Variants in COL21A1 observed in about 807,000 individuals in gnomAD.
COL21A1 encodes the protein collagen type XXI alpha 1 chain.
Under a neutral mutation model 137.9 loss-of-function variants are expected in COL21A1, and 149 were observed. That is an observed-to-expected ratio of 1.08 (90% CI 0.95 to 1.24). The LOEUF (loss-of-function observed/expected upper bound fraction) is 1.24. Among genes scored for constraint, COL21A1 ranks in the 50% most tolerant of loss-of-function variants. The pLI is 0.00. For synonymous variants in COL21A1, 456 were observed against 391.5 expected (o/e 1.16, Z -1.95); for missense variants, 1,167 against 1,158.4 (o/e 1.01, Z -0.11).
At chr6:56,348,019 C>T (rs910637961) in intron 1 of COL21A1, among the ~76,000 whole-genome samples, 8 of 152,056 alleles carry the variant, frequency 5.3e-5, no homozygotes, top group African/African-American at 1.4e-4. Flanking sequence ...TTACTACATA[C>T]AGGAGTAGGC....
At chr6:56,322,399 C>A (rs1329737772) in intron 1 of COL21A1, among the ~76,000 whole-genome samples, 3 of 152,120 alleles carry the variant, frequency 2.0e-5, no homozygotes, top group Admixed American at 2.0e-4. Flanking sequence ...AGCGTCTCAA[C>A]AACTTTTTGC....
chr6:56,176,422 C>CAAA (rs35782466), intron 3 of COL21A1, among the ~76,000 whole-genome samples: 1 of 147,710 alleles, frequency 6.8e-6, no homozygotes, highest in Non-Finnish European at 1.5e-5. Context: ...AACTCAGCAA[C>CAAA]AAAAAAAAAA....
chr6:56,302,275 C>A (rs1764318141), intron 1 of COL21A1, among the ~76,000 whole-genome samples: 1 of 152,040 alleles, frequency 6.6e-6, no homozygotes. Flanking sequence ...AATGGTATTT[C>A]TAGTTCTAGA....
At chr6:56,338,895 G>C (rs1765398075) in intron 1 of COL21A1, among the ~76,000 whole-genome samples, 1 of 152,026 alleles carries the variant, frequency 6.6e-6, no homozygotes, top group Non-Finnish European at 1.5e-5. Context: ...TGATGGTTGG[G>C]GTGGCAGAAG....
chr6:56,227,402 G>A (rs1396721993), intron 1 of COL21A1, among the ~76,000 whole-genome samples: 1 of 152,016 alleles, frequency 6.6e-6, no homozygotes, highest in African/African-American at 2.4e-5. Flanking sequence ...TGTTAAGCCT[G>A]TGGGAAATTC....
At chr6:56,060,378 A>C (rs1765690888) in intron 27 of COL21A1, 160 bp from the exon 28 acceptor site, 4 of 664,896 alleles carry the variant, frequency 6.0e-6, no homozygotes, top group Non-Finnish European at 1.0e-5. Flanking sequence ...GACTATGGAA[A>C]TATTCATTGC....
intron 12 of COL21A1, among the ~76,000 whole-genome samples, chr6:56,135,630 C>T (rs545623280): frequency 2.6e-5 from 4 of 152,206 alleles, no homozygotes; most frequent in Non-Finnish European, 5.9e-5. Flanking sequence ...TCATGAAAAA[C>T]TACTGAGAAA....
intron 10 of COL21A1, among the ~76,000 whole-genome samples, chr6:56,146,500 T>C (rs1774848022): frequency 6.6e-6 from 1 of 152,156 alleles, no homozygotes; most frequent in African/African-American, 2.4e-5. Context: ...TTTTACTGAT[T>C]GCTTAGATTA....
At chr6:56,310,676 T>A (rs1269615001) in intron 1 of COL21A1, among the ~76,000 whole-genome samples, 3 of 152,296 alleles carry the variant, frequency 2.0e-5, no homozygotes, top group Non-Finnish European at 2.9e-5. Flanking sequence ...AATACATGAT[T>A]GCAGCCCAAA....
intron 1 of COL21A1, among the ~76,000 whole-genome samples, chr6:56,280,377 G>A (rs753503644): frequency 1.3e-4 from 20 of 152,066 alleles, no homozygotes; most frequent in Admixed American, 1.2e-3. Flanking sequence ...CCAAATTCCT[G>A]ATATTATTAT....
chr6:56,365,975 T>C (rs1361928199), intron 1 of COL21A1, among the ~76,000 whole-genome samples: 1 of 152,236 alleles, frequency 6.6e-6, no homozygotes, highest in Non-Finnish European at 1.5e-5. Flanking sequence ...CCTGGCTTTT[T>C]TGGAAAACCC....
At position 56,060,939 on chromosome 6, in the gene COL21A1, T is replaced by A; in HGVS notation, c.2304A>T (p.Gln768His). Reference protein sequence around the residue: ...GLMGPAGPKGQPGDPGPQGPP... With the variant: ...GLMGPAGPKGHPGDPGPQGPP... Reference sequence around the variant, plus strand: ...GTCCCTGAGGACCTGGATCCCCAGGTTGCCCCTTAGGACCTGCGGGCCCCA... The same window carrying A: ...GTCCCTGAGGACCTGGATCCCCAGGATGCCCCTTAGGACCTGCGGGCCCCA... The change falls in exon 26 of 30, where the codon CAA becomes CAT. Residue 768 changes from glutamine (Q) to histidine (H), a missense_variant. Physicochemically the swap from Gln to His is conservative, Grantham distance 24. Coordinates refer to ENST00000244728, the MANE Select transcript of COL21A1 (RefSeq NM_030820.4). The A allele has an allele frequency of 4.4e-6, 7 of 1,591,974 alleles. No homozygotes were observed. Among genetic ancestry groups the A allele is most frequent in the Non-Finnish European group, 6.0e-6 (7 of 1,172,702 alleles).
chr6:56,219,216 C>CAAAAAA (rs386407160), intron 1 of COL21A1, among the ~76,000 whole-genome samples: 21 of 76,488 alleles, frequency 2.7e-4, no homozygotes, highest in African/African-American at 4.4e-4. Flanking sequence ...AAACTTGCAC[C>CAAAAAA]AAAAAAAAAA....
chr6:56,133,801 G>A (rs1245235943), intron 12 of COL21A1, among the ~76,000 whole-genome samples: 1 of 152,210 alleles, frequency 6.6e-6, no homozygotes, highest in Non-Finnish European at 1.5e-5. Context: ...GCTTCAGAGG[G>A]TGCAGGCCCC....
At chr6:56,169,927 T>C (rs577080259) in intron 5 of COL21A1, among the ~76,000 whole-genome samples, 5 of 152,050 alleles carry the variant, frequency 3.3e-5, no homozygotes, top group African/African-American at 1.2e-4. Context: ...AAATGTAATA[T>C]AATTACTAAA....
chr6:56,385,701 C>T (rs773676274), intron 1 of COL21A1, among the ~76,000 whole-genome samples: 30 of 152,190 alleles, frequency 2.0e-4, no homozygotes, highest in Non-Finnish European at 3.4e-4. Flanking sequence ...AATCCTGTAC[C>T]CATTGAGTAG....
chr6:56,300,663 C>G (rs1290008681), intron 1 of COL21A1, among the ~76,000 whole-genome samples: 1 of 152,084 alleles, frequency 6.6e-6, no homozygotes, highest in Middle Eastern at 3.2e-3. Context: ...TTCCAAAGAA[C>G]CATACAAACA....
chr6:56,325,983 A>C (rs12524062), intron 1 of COL21A1, among the ~76,000 whole-genome samples: 1 of 18,058 alleles, frequency 5.5e-5, no homozygotes, highest in African/African-American at 3.5e-4. Context: ...TATATTATAT[A>C]ATATATGTAT....
chr6:56,238,569 G>A (rs994878708), intron 1 of COL21A1, among the ~76,000 whole-genome samples: 7 of 151,658 alleles, frequency 4.6e-5, no homozygotes, highest in African/African-American at 1.5e-4. Context: ...TGCCATTACA[G>A]CAAAGACTGA....
Sources: gnomAD v4.1 joint callset for allele counts (sites outside exome capture counted in the v4.1 genomes callset) on GRCh38, gnomAD v4.1.1 for gene constraint, MANE v1.5 for transcripts, NCBI Gene and HGNC (gene_info 2026-07-23, HGNC 2026-07-21) for gene names.